ARID1B: variants seen among roughly 807,000 people sequenced by gnomAD.
ARID1B encodes AT-rich interaction domain 1B.
Under a neutral mutation model 212.3 loss-of-function variants are expected in ARID1B, and 30 were observed. The observed-to-expected ratio is 0.14, with a 90% CI of 0.11 to 0.19. ARID1B has a LOEUF of 0.19. Among genes scored for constraint, ARID1B ranks in the 10% least tolerant of loss-of-function variants. The pLI, the probability that ARID1B is intolerant of heterozygous loss-of-function variation, is 1.00. For missense variants in ARID1B, 2,891 were observed against 3,204.0 expected (o/e 0.90, Z 2.36); for synonymous variants, 1,402 against 1,301.7 (o/e 1.08, Z -1.66).
chr6:157,198,898 A>T lies in ARID1B; in HGVS notation c.4470A>T (p.Pro1490=), dbSNP rs2128366647. Residue 1490 remains proline (P), a synonymous_variant, in exon 17 of 20, where the codon CCA becomes CCT. Coordinates refer to ENST00000636930, the MANE Select transcript of ARID1B (RefSeq NM_001374828.1). ...PYGGHQPGLY[P]QQPNYKRHMD... ...GAGGGCACCAGCCCGGCCTGTACCCACAGCAGCCGGTGAGTTGGCAAGTGG... is the reference window on the plus strand; with the variant it reads ...GAGGGCACCAGCCCGGCCTGTACCCTCAGCAGCCGGTGAGTTGGCAAGTGG... The T allele has an allele frequency of 6.2e-7, 1 of 1,601,614 alleles. No homozygotes were observed. The highest frequency in any genetic ancestry group is 1.7e-5 in the Admixed American group (1 of 58,946).
chr6:157,124,665 A>G (rs979726750), intron 6 of ARID1B, among the ~76,000 whole-genome samples: 3 of 152,210 alleles, frequency 2.0e-5, no homozygotes, highest in African/African-American at 7.2e-5. Flanking sequence ...CACTGTACAT[A>G]ATAAGGGTCA....
chr6:156,897,972 T>C (rs557332447), intron 2 of ARID1B, among the ~76,000 whole-genome samples: 1 of 152,198 alleles, frequency 6.6e-6, no homozygotes, highest in East Asian at 1.9e-4. Flanking sequence ...GAGCTTATAT[T>C]CTAGTGATGA....
chr6:156,835,539 A>T (rs891484904), intron 2 of ARID1B, among the ~76,000 whole-genome samples: 1 of 152,118 alleles, frequency 6.6e-6, no homozygotes, highest in South Asian at 2.1e-4. Context: ...ATATTGATAC[A>T]TTTATTTTTT....
chr6:156,856,358 C>T (rs569515452), intron 2 of ARID1B, among the ~76,000 whole-genome samples: 518 of 152,282 alleles, frequency 3.4e-3, no homozygotes, highest in Non-Finnish European at 5.9e-3. Flanking sequence ...AAACCTCCCA[C>T]TGTGTGCCAT....
chr6:156,931,800 TAA>T (rs1478068530), intron 3 of ARID1B, among the ~76,000 whole-genome samples: 1 of 151,958 alleles, frequency 6.6e-6, no homozygotes, highest in African/African-American at 2.4e-5. Context: ...CCATCTCTCC[TAA>T]AGATACAAAA....
In ARID1B at chr6:157,189,666, C is replaced by T. The variant is rs759056899; in HGVS notation, c.3944C>T (p.Pro1315Leu). The T allele has an allele frequency of 2.5e-6, 4 of 1,613,282 alleles. No individual in the cohort carries two copies. The highest frequency in any genetic ancestry group is 1.7e-5 in the Admixed American group (1 of 59,566). The change falls in exon 14 of 20, where the codon CCA (proline) becomes CTA (leucine). Residue 1315 changes from proline (P) to leucine (L), a missense_variant. By Grantham distance (98) the Pro-to-Leu change is moderately conservative. Coordinates refer to ENST00000636930, the MANE Select transcript of ARID1B (RefSeq NM_001374828.1). ...GCTAACTCGGGATCCTTGCAAGGCC[C>T]ACAGACCCCCCAGTCAACTGGCAGC... Reference protein sequence around the residue: ...SPANSGSLQGPQTPQSTGSNS... With the variant: ...SPANSGSLQGLQTPQSTGSNS...
intron 2 of ARID1B, among the ~76,000 whole-genome samples, chr6:156,849,289 C>G (rs1257765662): frequency 6.6e-6 from 1 of 152,146 alleles, no homozygotes; most frequent in Non-Finnish European, 1.5e-5. Context: ...CCTTCATGCC[C>G]TCTTCCCTGG....
rs567124930 is a variant in ARID1B, at chr6:157,187,474, C to G, written c.3920-2168C>G. Among the ~76,000 whole-genome samples, 3 of 152,258 alleles carry G rather than the reference C, an allele frequency of 2.0e-5. No homozygotes were observed. The South Asian group carries it at 6.2e-4, about 32-fold the overall frequency. On this transcript the variant is annotated intron_variant, in intron 13 of 19. Coordinates refer to ENST00000636930, the MANE Select transcript of ARID1B (RefSeq NM_001374828.1). ...TGGTTGACCTCTAGTCACTGTAGAC[C>G]TGGGACATATCAGCTATTCCTTCTC...
At chr6:156,951,645 G>A (rs1319104942) in intron 4 of ARID1B, among the ~76,000 whole-genome samples, 2 of 151,912 alleles carry the variant, frequency 1.3e-5, no homozygotes, top group Non-Finnish European at 2.9e-5. Context: ...GGGTTTCACT[G>A]TATTAGCCAG....
chr6:157,160,679 C>T (rs1333855617), intron 8 of ARID1B, among the ~76,000 whole-genome samples: 1 of 152,166 alleles, frequency 6.6e-6, no homozygotes, highest in Non-Finnish European at 1.5e-5. Context: ...GGATAAAGAC[C>T]AAACCCAGAG....
At chr6:157,044,210 A>G (rs948160277) in intron 4 of ARID1B, among the ~76,000 whole-genome samples, 1 of 152,252 alleles carries the variant, frequency 6.6e-6, no homozygotes, top group Non-Finnish European at 1.5e-5. Flanking sequence ...TATAAATAAC[A>G]AAAGGATTAG....
chr6:156,926,198 A>C (rs1363663886), intron 3 of ARID1B, among the ~76,000 whole-genome samples: 1 of 152,200 alleles, frequency 6.6e-6, no homozygotes, highest in Non-Finnish European at 1.5e-5. Context: ...AAAAGATTGA[A>C]CAAGGATCAC....
intron 4 of ARID1B, among the ~76,000 whole-genome samples, chr6:156,951,055 T>C (rs1280088233): frequency 6.6e-6 from 1 of 152,212 alleles, no homozygotes; most frequent in East Asian, 1.9e-4. Context: ...TAAAAATAGC[T>C]TGGATGAGGT....
intron 3 of ARID1B, among the ~76,000 whole-genome samples, chr6:156,919,670 G>A (rs1790627267): frequency 6.6e-6 from 1 of 152,186 alleles, no homozygotes; most frequent in Non-Finnish European, 1.5e-5. Context: ...TTAGATTGTT[G>A]AAGATGTATT....
intron 4 of ARID1B, among the ~76,000 whole-genome samples, chr6:156,989,768 AAG>A (rs1296468799): frequency 6.6e-6 from 1 of 152,230 alleles, no homozygotes; most frequent in Non-Finnish European, 1.5e-5. Context: ...ATGCCTTGTC[AAG>A]AGTGCTGATG....
At chr6:157,160,436 T>C (rs1477449270) in intron 8 of ARID1B, among the ~76,000 whole-genome samples, 1 of 152,138 alleles carries the variant, frequency 6.6e-6, no homozygotes. Context: ...ATCCTGTCCG[T>C]TTCACCTCCA....
chr6:156,906,125 C>G (rs983433534), intron 3 of ARID1B, among the ~76,000 whole-genome samples: 1 of 152,086 alleles, frequency 6.6e-6, no homozygotes, highest in Non-Finnish European at 1.5e-5. Context: ...TTAGATGACT[C>G]TTAAGAGGGA....
At chr6:156,962,672 A>C (rs764327674) in intron 4 of ARID1B, among the ~76,000 whole-genome samples, 1 of 151,936 alleles carries the variant, frequency 6.6e-6, no homozygotes, top group South Asian at 2.1e-4. Flanking sequence ...TTTAGTAGAG[A>C]TGGATCTTCC....
rs563315014 is a variant in ARID1B, at chr6:157,031,859, G to A, written c.2248-52803G>A. On this transcript the variant is annotated intron_variant, in intron 4 of 19. Transcript: ENST00000636930. ...CAGGCTGGATGGAGTGCAATGGTGC[G>A]ATCTCACGGCAACCTCCGCCTCCCT... is the stretch of plus-strand genomic sequence containing the variant. 6.6e-5 allele frequency among the ~76,000 whole-genome samples: 10 copies of A among 151,728 alleles called. No homozygotes were observed. The East Asian group carries it at 1.5e-3, about 23-fold the overall frequency.
Sources: allele counts gnomAD v4.1 joint callset (sites outside exome capture counted in the v4.1 genomes callset), GRCh38; gene constraint gnomAD v4.1.1; transcripts MANE v1.5; gene names NCBI Gene and HGNC (gene_info 2026-07-23, HGNC 2026-07-21).